RSPO2: variants seen among roughly 807,000 people sequenced by gnomAD.
RSPO2 encodes the protein R-spondin 2, also known as R-spondin-2.
In RSPO2, 14 loss-of-function variants were observed where a neutral mutation model predicts 30.9. The ratio of observed to expected loss-of-function variants is 0.45; its 90% CI spans 0.30 to 0.71. The LOEUF is 0.71. RSPO2 is among the 30% of genes least tolerant of loss of function. The pLI is 0.08. For synonymous variants in RSPO2, 107 were observed against 96.4 expected (o/e 1.11, Z -0.64); for missense variants, 264 against 301.9 (o/e 0.87, Z 0.93).
At chr8:108,051,509 A>G (rs1699124441) in intron 2 of RSPO2, among the ~76,000 whole-genome samples, 1 of 152,208 alleles carries the variant, frequency 6.6e-6, no homozygotes, top group Non-Finnish European at 1.5e-5. Context: ...CCAATTACCT[A>G]AAGGCCTAAG....
At chr8:108,017,534 CA>C (rs997064516) in intron 2 of RSPO2, among the ~76,000 whole-genome samples, 3 of 151,970 alleles carry the variant, frequency 2.0e-5, no homozygotes, top group African/African-American at 7.3e-5. Flanking sequence ...AATTAAAAAG[CA>C]GAGAAGGAGC....
At chr8:107,945,659 C>G (rs753767231) in intron 5 of RSPO2, among the ~76,000 whole-genome samples, 6 of 152,068 alleles carry the variant, frequency 3.9e-5, no homozygotes, top group Non-Finnish European at 7.4e-5. Flanking sequence ...TGTATACATC[C>G]CAATGTTCAT....
In RSPO2 at chr8:108,063,722, T is replaced by A. The variant is rs1812556060; in HGVS notation, c.94+18823A>T. ...ACCAAAAAGAGCCCGCATTGCCAAG[T>A]CAATCCTAAGCCAAAAGAACAAAGC... On this transcript the variant is annotated intron_variant, in intron 2 of 5. Coordinates refer to ENST00000276659, the MANE Select transcript of RSPO2 (RefSeq NM_178565.5). 3.3e-5 allele frequency among the ~76,000 whole-genome samples: 5 copies of A among 151,972 alleles called. No homozygotes were observed. The South Asian group carries it at 1.0e-3, about 32-fold the overall frequency.
At chr8:107,916,618 C>T (rs976037880) in intron 5 of RSPO2, among the ~76,000 whole-genome samples, 1 of 152,036 alleles carries the variant, frequency 6.6e-6, no homozygotes, top group Non-Finnish European at 1.5e-5. Flanking sequence ...TTTTCTAGTT[C>T]AGACAAACAG....
intron 2 of RSPO2, among the ~76,000 whole-genome samples, chr8:107,991,261 C>T (rs928228830): frequency 1.3e-5 from 2 of 149,282 alleles, no homozygotes; most frequent in Non-Finnish European, 3.0e-5. Flanking sequence ...CACACACACA[C>T]ACACACACAC....
intron 2 of RSPO2, among the ~76,000 whole-genome samples, chr8:108,047,801 A>C (rs1013773166): frequency 2.0e-5 from 3 of 151,852 alleles, no homozygotes; most frequent in African/African-American, 7.3e-5. Flanking sequence ...CAGTGAACCA[A>C]GATCATGCCA....
intron 5 of RSPO2, among the ~76,000 whole-genome samples, chr8:107,904,036 GAGAAA>G (rs1488477817): frequency 9.9e-5 from 15 of 151,954 alleles, no homozygotes. Flanking sequence ...TTTCAAACAT[GAGAAA>G]AGAAATCGGT....
intron 5 of RSPO2, among the ~76,000 whole-genome samples, chr8:107,939,150 TAAAC>T (rs1812806859): frequency 6.6e-6 from 1 of 151,898 alleles, no homozygotes; most frequent in Non-Finnish European, 1.5e-5. Context: ...CGGCCAAGTC[TAAAC>T]AAACATTTTT....
Position 107,969,644 on chromosome 8 carries a change from G to A in RSPO2, c.284-8827C>T, listed in dbSNP as rs182736718. Among the ~76,000 whole-genome samples the A allele has an allele frequency of 3.9e-5, 6 of 152,254 alleles. No individual in the cohort carries two copies. The East Asian group carries it at 9.6e-4, about 24-fold the overall frequency. On this transcript the variant is annotated intron_variant, in intron 3 of 5. Transcript: ENST00000276659. ...AAATTAAAATGAACACATTTGCTAAGAACGTTAAATGCTTAAAGAGAATTT... is the reference window on the plus strand; with the variant it reads ...AAATTAAAATGAACACATTTGCTAAAAACGTTAAATGCTTAAAGAGAATTT...
chr8:108,000,667 A>G (rs936835126), intron 2 of RSPO2, among the ~76,000 whole-genome samples: 3 of 152,082 alleles, frequency 2.0e-5, no homozygotes, highest in Non-Finnish European at 4.4e-5. Flanking sequence ...GAGAAGCTCA[A>G]GTAGAACAGG....
At chr8:107,914,062 CAAG>C (rs1811902812) in intron 5 of RSPO2, among the ~76,000 whole-genome samples, 1 of 151,868 alleles carries the variant, frequency 6.6e-6, no homozygotes, top group Admixed American at 6.6e-5. Context: ...CAGAGGTATC[CAAG>C]AAGAGATTCA....
intron 2 of RSPO2, among the ~76,000 whole-genome samples, chr8:108,018,430 G>C (rs1810960606): frequency 6.6e-6 from 1 of 152,148 alleles, no homozygotes; most frequent in South Asian, 2.1e-4. Flanking sequence ...CAGCCAACCA[G>C]CTTAACTGAG....
chr8:107,959,160 A>T (rs1181152786), intron 4 of RSPO2, among the ~76,000 whole-genome samples: 1 of 152,198 alleles, frequency 6.6e-6, no homozygotes, highest in African/African-American at 2.4e-5. Context: ...TTGGTGAAAA[A>T]GATGGGGAGC....
At chr8:107,983,920 TC>T in intron 3 of RSPO2, 1 of 1,202,030 alleles carries the variant, frequency 8.3e-7, no homozygotes. Context: ...CTACAGAACT[TC>T]CTCTTATGGA....
At chr8:107,996,594 C>T (rs1815033284) in intron 2 of RSPO2, among the ~76,000 whole-genome samples, 1 of 152,158 alleles carries the variant, frequency 6.6e-6, no homozygotes, top group Admixed American at 6.5e-5. Flanking sequence ...GTTCACTGTC[C>T]TACAGTCATC....
At chr8:107,967,284 G>A (rs1813837122) in intron 3 of RSPO2, among the ~76,000 whole-genome samples, 1 of 152,206 alleles carries the variant, frequency 6.6e-6, no homozygotes, top group African/African-American at 2.4e-5. Context: ...TTAAAAATTA[G>A]TTTTAGGCTT....
chr8:107,947,364 AAAG>A (rs1015808108), intron 5 of RSPO2, among the ~76,000 whole-genome samples: 17 of 152,340 alleles, frequency 1.1e-4, no homozygotes, highest in Non-Finnish European at 2.2e-4. Context: ...ATGGCAGATG[AAAG>A]TAGTAGTTAG....
intron 3 of RSPO2, among the ~76,000 whole-genome samples, chr8:107,974,726 G>A (rs188437923): frequency 1.3e-5 from 2 of 151,952 alleles, no homozygotes; most frequent in Admixed American, 1.3e-4. Context: ...AAGCAGGGAG[G>A]GGGGAAGAAG....
chr8:108,034,780 G>A (rs1226578901), intron 2 of RSPO2, among the ~76,000 whole-genome samples: 1 of 152,154 alleles, frequency 6.6e-6, no homozygotes, highest in Non-Finnish European at 1.5e-5. Context: ...ATCAAATTGT[G>A]AAATGGCCAG....
Sources: allele counts gnomAD v4.1 joint callset (sites outside exome capture counted in the v4.1 genomes callset), GRCh38; gene constraint gnomAD v4.1.1; transcripts MANE v1.5; gene names NCBI Gene and HGNC (gene_info 2026-07-23, HGNC 2026-07-21).